The following IDE variants were observed in gnomAD, a reference collection of about 807,000 sequenced individuals.
The protein encoded by IDE is insulin degrading enzyme, also known as insulin-degrading enzyme.
A neutral mutation model predicts 133.2 loss-of-function variants in IDE; 58 were observed. The ratio of observed to expected loss-of-function variants is 0.44; its 90% CI spans 0.35 to 0.54. IDE has a LOEUF of 0.54. Among genes scored for constraint, IDE ranks in the 20% least tolerant of loss-of-function variants. The pLI, the probability that IDE is intolerant of heterozygous loss-of-function variation, is 0.00. For missense variants in IDE, 981 were observed against 1,234.0 expected, an observed-to-expected ratio of 0.79 and a Z score of 3.07; for synonymous variants, 396 against 421.3, an observed-to-expected ratio of 0.94 and a Z score of 0.73.
chr10:92,463,636 G>C, intron 21 of IDE, 95 bp downstream of exon 21: 4 of 1,154,834 alleles, frequency 3.5e-6, no homozygotes, highest in Non-Finnish European at 5.1e-6. Flanking sequence ...ATAGGTAACG[G>C]AATATCACCT....
At chr10:92,516,378 C>T (rs1163043129) in intron 4 of IDE, among the ~76,000 whole-genome samples, 2 of 151,372 alleles carry the variant, frequency 1.3e-5, no homozygotes, top group South Asian at 2.1e-4. Flanking sequence ...CCTGTAGTCT[C>T]GGCTACTCGG....
rs1843935395 is a variant in IDE at position 92,574,041 on chromosome 10, T to A, written c.-22A>T. On this transcript the variant is annotated 5_prime_UTR_variant, in exon 1 of 25. Transcript: ENST00000265986. ...GCATTAGCCAGCGCAGTCGCCGGGA[T>A]CACCGCAAACGCTTCCTGCTTGCGC... The A allele has an allele frequency of 6.7e-7, 1 of 1,502,270 alleles. No homozygotes were observed. The highest frequency in any genetic ancestry group is 8.9e-7 in the Non-Finnish European group (1 of 1,126,412). 93.1% of individuals were successfully genotyped at this position (1,502,270 alleles called of 1,614,324 possible). A position where few individuals can be genotyped will look rare whatever the true frequency, so the allele number is the denominator to read the frequency against.
At chr10:92,527,172 T>A (rs1266089752) in intron 4 of IDE, among the ~76,000 whole-genome samples, 1 of 152,228 alleles carries the variant, frequency 6.6e-6, no homozygotes, top group Non-Finnish European at 1.5e-5. Flanking sequence ...GTGGCACATG[T>A]CTGTAGTCTA....
Position 92,574,010 on chromosome 10 carries a change from G to A in IDE, c.10C>T (p.Arg4Trp), listed in dbSNP as rs760699587. ...GCGGGGTGCAGAAGCCACGCTAGCC[G>A]GTACCGCATTAGCCAGCGCAGTCGC... is the stretch of plus-strand genomic sequence containing the variant. MRYRLAWLLHPALP... is the reference protein window; with the variant it reads MRYWLAWLLHPALP... Residue 4 changes from arginine (R) to tryptophan (W), a missense_variant, in exon 1 of 25, where the codon CGG becomes TGG. Transcript: ENST00000265986. 43 of 1,513,070 alleles carry A rather than the reference G, an allele frequency of 2.8e-5. 1 individual carries two copies. The South Asian group carries it at 5.0e-4, about 18-fold the overall frequency. The allele number at this position is 1,513,070 out of a possible 1,614,324, so 93.7% of individuals were successfully genotyped here.
chr10:92,468,600 T>C (rs796156444), intron 19 of IDE, among the ~76,000 whole-genome samples: 4 of 152,348 alleles, frequency 2.6e-5, no homozygotes, highest in African/African-American at 9.6e-5. Flanking sequence ...GTCAATACCT[T>C]TGTGATATTT....
chr10:92,510,667 T>A (rs1344196609), intron 5 of IDE, among the ~76,000 whole-genome samples: 1 of 151,446 alleles, frequency 6.6e-6, no homozygotes, highest in African/African-American at 2.4e-5. Flanking sequence ...ATCACATACA[T>A]CTCACATATA....
chr10:92,506,610 A>G (rs998480978), intron 9 of IDE, 88 bp from the exon 10 acceptor site: 7 of 619,646 alleles, frequency 1.1e-5, no homozygotes, highest in Admixed American at 8.1e-5. Context: ...TTGCACTATA[A>G]GCTTTCTACT....
intron 11 of IDE, among the ~76,000 whole-genome samples, chr10:92,494,975 C>A (rs917257949): frequency 6.6e-6 from 1 of 152,222 alleles, no homozygotes; most frequent in Non-Finnish European, 1.5e-5. Flanking sequence ...TACTCTGAAT[C>A]ACTTTCTTTG....
At position 92,514,998 on chromosome 10, in the gene IDE, C is replaced by T; in HGVS notation, c.706G>A (p.Asp236Asn). 1.9e-6 allele frequency: 3 copies of T among 1,609,794 alleles called. No individual in the cohort carries two copies. The highest frequency in any genetic ancestry group is 2.6e-6 in the Non-Finnish European group (3 of 1,176,382). ...AATTTCAGTAGCTCTTGTCTTACAT[C>T]AATGCCTTCTTGGTTTGGTCTAGTC... is the stretch of plus-strand genomic sequence containing the variant. ...LETRPNQEGI[D>N]VRQELLKFHS... is the part of the protein sequence containing the mutation. Residue 236 changes from aspartate (D) to asparagine (N), a missense_variant, in exon 5 of 25, where the codon GAT becomes AAT. Physicochemically the swap from Asp to Asn is conservative, Grantham distance 23 (BLOSUM62 1). Coordinates refer to ENST00000265986, the MANE Select transcript of IDE (RefSeq NM_004969.4).
chr10:92,534,146 A>C (rs996370116), intron 3 of IDE, among the ~76,000 whole-genome samples: 1 of 152,254 alleles, frequency 6.6e-6, no homozygotes, highest in Admixed American at 6.5e-5. Flanking sequence ...TTGCTCCAGA[A>C]AACACTTTCA....
At chr10:92,563,966 A>C (rs1843402198) in intron 1 of IDE, among the ~76,000 whole-genome samples, 1 of 152,206 alleles carries the variant, frequency 6.6e-6, no homozygotes, top group Non-Finnish European at 1.5e-5. Context: ...CAATACTAGA[A>C]TTCTAGAGCT....
intron 22 of IDE, among the ~76,000 whole-genome samples, chr10:92,460,828 T>C (rs571366554): frequency 4.6e-5 from 7 of 152,192 alleles, no homozygotes; most frequent in Non-Finnish European, 1.0e-4. Flanking sequence ...ACACACAATA[T>C]AGCACATACA....
intron 1 of IDE, among the ~76,000 whole-genome samples, chr10:92,570,102 G>A (rs554884517): frequency 1.3e-5 from 2 of 149,440 alleles, no homozygotes; most frequent in South Asian, 2.1e-4. Flanking sequence ...ACAAGACTCA[G>A]TCTCAAAAAA....
At chr10:92,487,146 TGTATTAGGTCTGTCCCCCAA>T in intron 13 of IDE, 30 bp downstream of exon 13, 5 of 1,542,502 alleles carry the variant, frequency 3.2e-6, no homozygotes, top group Non-Finnish European at 4.4e-6. Flanking sequence ...CAGTCCCCCA[TGTATTAGGTCTGTCCCCCAA>T]ATTTAAAATC....
At chr10:92,516,728 A>G (rs1317764838) in intron 4 of IDE, among the ~76,000 whole-genome samples, 22 of 152,194 alleles carry the variant, frequency 1.4e-4, no homozygotes, top group Admixed American at 1.4e-3. Flanking sequence ...AAACCATTAA[A>G]TTTGTGATGT....
intron 14 of IDE, among the ~76,000 whole-genome samples, 194 bp downstream of exon 14, chr10:92,483,061 T>TG (rs562606749): frequency 6.6e-4 from 100 of 152,332 alleles, no homozygotes; most frequent in African/African-American, 2.4e-3. Context: ...ATTACAGGCG[T>TG]GAGCCACCGT....
chr10:92,487,313 C>T lies in IDE; in HGVS notation c.1539G>A (p.Trp513Ter). ...ATTTCCCATTCAGGTCAGCATTTTG[C>T]CATTTCTGGATGAATAATGAAACAC... ...EAIPDEVIKK[W>*]QNADLNGKFK... Residue 513 changes from tryptophan to a stop codon, truncating the protein, a stop_gained, in exon 13 of 25, where the codon TGG (tryptophan) becomes TGA (stop). Coordinates refer to ENST00000265986, the MANE Select transcript of IDE (RefSeq NM_004969.4). LOFTEE classifies it high-confidence loss of function. The T allele has an allele frequency of 6.2e-7, 1 of 1,609,240 alleles. No homozygotes were observed. The highest frequency in any genetic ancestry group is 8.5e-7 in the Non-Finnish European group (1 of 1,177,894).
intron 1 of IDE, among the ~76,000 whole-genome samples, chr10:92,551,366 G>A (rs909602303): frequency 5.3e-5 from 8 of 151,706 alleles, no homozygotes; most frequent in Admixed American, 4.6e-4. Context: ...TCAAGAGATC[G>A]AGACCATCCT....
Position 92,553,889 on chromosome 10 carries a change from T to C in IDE, c.99-16339A>G, listed in dbSNP as rs142475715. On this transcript the variant is annotated intron_variant, in intron 1 of 24. Transcript: ENST00000265986. Reference sequence around the variant, plus strand: ...AGGACCCATGGCTTTCCTGCTGAATTCTACTAAATATTTAAAGAACTAATA... The same window carrying C: ...AGGACCCATGGCTTTCCTGCTGAATCCTACTAAATATTTAAAGAACTAATA... 1.4e-3 allele frequency among the ~76,000 whole-genome samples: 207 copies of C among 152,170 alleles called. 2 individuals carry two copies. The East Asian group carries it at 0.029, about 21-fold the overall frequency.
Sources: gnomAD v4.1 joint callset for allele counts (sites outside exome capture counted in the v4.1 genomes callset) on GRCh38, gnomAD v4.1.1 for gene constraint, MANE v1.5 for transcripts, NCBI Gene and HGNC (gene_info 2026-07-23, HGNC 2026-07-21) for gene names.